The following CD81 variants were observed in gnomAD, a reference collection of about 807,000 sequenced individuals.
CD81 encodes the protein CD81 molecule.
In CD81, 10 loss-of-function variants were observed where a neutral mutation model predicts 30.1. The observed-to-expected ratio is 0.33, with a 90% confidence interval of 0.21 to 0.56. The LOEUF is 0.56. Ranked by LOEUF, CD81 falls within the 20% of genes least tolerant of loss-of-function variation. CD81 has a pLI of 0.89. For synonymous variants in CD81, 147 were observed against 126.4 expected (o/e 1.16, Z -1.10); for missense variants, 263 against 308.7 (o/e 0.85, Z 1.11).
At chr11:2,387,394 G>C (rs731909) in intron 1 of CD81, among the ~76,000 whole-genome samples, 127,867 of 152,148 alleles carry the variant, frequency 0.84, 54,478 homozygotes, top group African/African-American at 0.94. Context: ...AGTTTCAAAA[G>C]AAAATAAGCA....
chr11:2,394,199 C>T lies in CD81; in HGVS notation c.279+7C>T. 6.3e-7 allele frequency: 1 copy of T among 1,599,984 alleles called. No homozygotes were observed. The highest frequency in any genetic ancestry group is 8.6e-7 in the Non-Finnish European group (1 of 1,169,544). ...CCAGTGCCTGCTGGGGACGGTAAGG[C>T]AGGGAGGCGGGCCTGTGCCTGGGCC... On this transcript the variant is annotated splice_region_variant and intron_variant, in intron 3 of 7. Transcript: ENST00000263645.
intron 1 of CD81, among the ~76,000 whole-genome samples, chr11:2,383,416 T>A (rs1428207958): frequency 6.6e-6 from 1 of 152,142 alleles, no homozygotes; most frequent in East Asian, 1.9e-4. Flanking sequence ...GGACCCAGGC[T>A]GGAGGGGCCG....
intron 6 of CD81, 35 bp from the exon 7 acceptor site, chr11:2,396,593 G>T: frequency 6.4e-7 from 1 of 1,567,574 alleles, no homozygotes. Context: ...GCCGAGGCCC[G>T]GTCCCTGACC....
chr11:2,390,142 C>T (rs1589850681), intron 1 of CD81: 18 of 578,608 alleles, frequency 3.1e-5, no homozygotes, highest in Middle Eastern at 4.6e-4. Flanking sequence ...ACCGGCGTCC[C>T]GTGTCTTCCT....
In CD81 at chr11:2,378,996, C is replaced by T. The variant is rs1448142350; in HGVS notation, c.66+1381C>T. On this transcript the variant is annotated intron_variant, in intron 1 of 7. Coordinates refer to ENST00000263645, the MANE Select transcript of CD81 (RefSeq NM_004356.4). The surrounding 1 kb of genome is among the most constrained non-coding windows in gnomAD (Gnocchi z 4.9). Reference sequence around the variant, plus strand: ...AAGCCGGGCTGTTCTGCACAGCCTGCTTGGGACGCTGGTGGGAGTCACTGT... The same window carrying T: ...AAGCCGGGCTGTTCTGCACAGCCTGTTTGGGACGCTGGTGGGAGTCACTGT... Among the ~76,000 whole-genome samples, 1 of 152,182 alleles carries T rather than the reference C, an allele frequency of 6.6e-6. No homozygotes were observed. Among genetic ancestry groups the T allele is most frequent in the Non-Finnish European group, 1.5e-5 (1 of 68,030 alleles).
chr11:2,382,406 G>T (rs1306363794), intron 1 of CD81: 2 of 152,242 alleles, frequency 1.3e-5, no homozygotes, highest in African/African-American at 4.8e-5. Flanking sequence ...CCACCAGCTT[G>T]GCCAGAGCCT....
chr11:2,388,366 G>A (rs11821393), intron 1 of CD81, among the ~76,000 whole-genome samples: 15,968 of 152,220 alleles, frequency 0.1, 2,418 homozygotes, highest in African/African-American at 0.34. Context: ...CTGACCGGGG[G>A]GTCCTCAGGC....
At chr11:2,394,776 G>A (rs1231216213) in intron 3 of CD81, 196 bp from the exon 4 acceptor site, 1 of 652,012 alleles carries the variant, frequency 1.5e-6, no homozygotes, top group Non-Finnish European at 2.8e-6. Context: ...CCTGGGCTTT[G>A]ACGGCTCCTC....
At chr11:2,379,479 G>T in intron 1 of CD81, among the ~76,000 whole-genome samples, 1 of 151,348 alleles carries the variant, frequency 6.6e-6, no homozygotes, top group East Asian at 2.0e-4. Flanking sequence ...CCTGGGGGCA[G>T]GGGCTGAGGG....
At chr11:2,384,269 G>C (rs1849748153) in intron 1 of CD81, among the ~76,000 whole-genome samples, 1 of 150,978 alleles carries the variant, frequency 6.6e-6, no homozygotes, top group Non-Finnish European at 1.5e-5. Flanking sequence ...ATCCCCAGCA[G>C]AGCATCTTGT....
At chr11:2,391,145 C>T (rs780176847) in intron 2 of CD81, 40 of 196,226 alleles carry the variant, frequency 2.0e-4, no homozygotes, top group African/African-American at 8.6e-4. Flanking sequence ...TCTCACTGTG[C>T]AGAGAGCAGC....
chr11:2,381,981 G>A (rs1378470400), intron 1 of CD81, among the ~76,000 whole-genome samples: 1 of 152,194 alleles, frequency 6.6e-6, no homozygotes, highest in African/African-American at 2.4e-5. Context: ...TTGTGTTTCT[G>A]GGCCCAAACT....
intron 2 of CD81, 58 bp from the exon 3 acceptor site, chr11:2,394,037 G>C: frequency 3.7e-6 from 5 of 1,347,058 alleles, no homozygotes; most frequent in Non-Finnish European, 4.3e-6. Context: ...AGGACCCTCC[G>C]GGGTCTTGGG....
chr11:2,390,947 AG>A, intron 2 of CD81: 1 of 115,736 alleles, frequency 8.6e-6, no homozygotes, highest in Non-Finnish European at 1.7e-5. Context: ...GGGGCAGGGG[AG>A]GGGTGGAGAG....
Position 2,386,743 on chromosome 11 carries a change from G to T in CD81, c.67-3669G>T, listed in dbSNP as rs1355641508. 4.5e-6 allele frequency: 3 copies of T among 674,156 alleles called. No homozygotes were observed. In the African/African-American group the frequency reaches 5.3e-5, roughly 12 times the overall value. 41.8% of individuals were successfully genotyped at this position (674,156 alleles called of 1,614,324 possible). On this transcript the variant is annotated intron_variant, in intron 1 of 7. Coordinates refer to ENST00000263645, the MANE Select transcript of CD81 (RefSeq NM_004356.4). Reference sequence around the variant, plus strand: ...GCCTCGGGGACAGTTGAGGTGGACAGGCTGGCGTCACCCCCATTTCCGGCT... The same window carrying T: ...GCCTCGGGGACAGTTGAGGTGGACATGCTGGCGTCACCCCCATTTCCGGCT...
rs763790421 is a variant in CD81 at position 2,394,177 on chromosome 11, G to A, written c.264G>A (p.Gln88=). ...LGCYGAIQES[Q]CLLGTFFTCL... is the part of the protein sequence containing the mutation. ...GCTACGGGGCCATCCAGGAATCCCA[G>A]TGCCTGCTGGGGACGGTAAGGCAGG... Residue 88 remains glutamine, a synonymous_variant, in exon 3 of 8, where the codon CAG becomes CAA. Transcript: ENST00000263645. 6.2e-7 allele frequency: 1 copy of A among 1,611,740 alleles called. No homozygotes were observed. Among genetic ancestry groups the A allele is most frequent in the South Asian group, 1.1e-5 (1 of 91,030 alleles).
intron 1 of CD81, chr11:2,386,035 T>G: frequency 1.4e-6 from 1 of 717,190 alleles, no homozygotes; most frequent in South Asian, 1.5e-5. Flanking sequence ...CCCCGTTGTA[T>G]GCGTCCCAGT....
At chr11:2,388,921 C>T (rs964106127) in intron 1 of CD81, among the ~76,000 whole-genome samples, 3 of 152,182 alleles carry the variant, frequency 2.0e-5, no homozygotes, top group African/African-American at 7.2e-5. Context: ...CTTCAGCACG[C>T]CCTGGCCTGG....
At chr11:2,395,097 C>T (rs1322366541) in intron 4 of CD81, 51 bp downstream of exon 4, 4 of 1,482,440 alleles carry the variant, frequency 2.7e-6, no homozygotes, top group African/African-American at 1.4e-5. Context: ...GGGGCACCCT[C>T]CTCTCCTGTC....
Sources: allele counts gnomAD v4.1 joint callset (sites outside exome capture counted in the v4.1 genomes callset), GRCh38; gene constraint gnomAD v4.1.1; non-coding constraint Gnocchi (gnomAD v3.1); transcripts MANE v1.5; gene names NCBI Gene and HGNC (gene_info 2026-07-23, HGNC 2026-07-21).